The following ZC3H18 variants were observed in gnomAD, a reference collection of about 807,000 sequenced individuals.
ZC3H18 encodes the protein zinc finger CCCH domain-containing protein 18.
A neutral mutation model predicts 106.1 loss-of-function variants in ZC3H18; 8 were observed. That is an observed-to-expected ratio of 0.08 (90% CI 0.04 to 0.14). ZC3H18 has a LOEUF of 0.14. Ranked by LOEUF, ZC3H18 falls within the 10% of genes least tolerant of loss-of-function variation. ZC3H18 has a pLI of 1.00. For missense variants in ZC3H18, 1,318 were observed against 1,278.4 expected (o/e 1.03, Z -0.47); for synonymous variants, 635 against 522.1 (o/e 1.22, Z -2.95).
chr16:88,574,947 A>G (rs1241237367), intron 1 of ZC3H18, among the ~76,000 whole-genome samples: 1 of 149,792 alleles, frequency 6.7e-6, no homozygotes, highest in African/African-American at 2.5e-5. Context: ...CTCCTGCCTC[A>G]GCCTCCCGAG....
At chr16:88,577,050 G>C in intron 1 of ZC3H18, 60 bp from the exon 2 acceptor site, 1 of 1,493,834 alleles carries the variant, frequency 6.7e-7, no homozygotes, top group South Asian at 1.4e-5. Flanking sequence ...CAGGAAAGTA[G>C]GGACAAGGTT....
chr16:88,600,873 C>T (rs1243929264), intron 6 of ZC3H18, among the ~76,000 whole-genome samples: 2 of 152,238 alleles, frequency 1.3e-5, no homozygotes, highest in Non-Finnish European at 2.9e-5. Flanking sequence ...GATTATAATT[C>T]GGGCAGATCT....
chr16:88,576,545 C>CA (rs1914764262), intron 1 of ZC3H18, among the ~76,000 whole-genome samples: 1 of 152,056 alleles, frequency 6.6e-6, no homozygotes, highest in Non-Finnish European at 1.5e-5. Context: ...TGCTAAAGGG[C>CA]AGCCAAGGGA....
At chr16:88,616,182 C>T (rs4782386) in intron 8 of ZC3H18, among the ~76,000 whole-genome samples, 37,401 of 152,164 alleles carry the variant, frequency 0.25, 5,015 homozygotes, top group East Asian at 0.37. Context: ...GGTGCTCAGA[C>T]GTTGTCTGGC....
intron 8 of ZC3H18, among the ~76,000 whole-genome samples, chr16:88,612,093 A>T (rs533093500): frequency 6.6e-6 from 1 of 152,212 alleles, no homozygotes; most frequent in African/African-American, 2.4e-5. Flanking sequence ...CTTGCTGCCA[A>T]CTGCTGGGGG....
At chr16:88,617,807 C>A (rs577857963) in intron 8 of ZC3H18, among the ~76,000 whole-genome samples, 1 of 152,364 alleles carries the variant, frequency 6.6e-6, no homozygotes, top group East Asian at 1.9e-4. Flanking sequence ...CTTTGGCGGC[C>A]CATCCAGTGG....
intron 7 of ZC3H18, among the ~76,000 whole-genome samples, chr16:88,609,782 G>A (rs555979452): frequency 1.5e-4 from 22 of 143,988 alleles, no homozygotes; most frequent in Non-Finnish European, 3.4e-4. Context: ...TGTATTTTTA[G>A]TAGAGACAGG....
chr16:88,587,874 G>A (rs889367346), intron 3 of ZC3H18, among the ~76,000 whole-genome samples: 1 of 152,146 alleles, frequency 6.6e-6, no homozygotes, highest in Non-Finnish European at 1.5e-5. Flanking sequence ...AGCCGGGAAC[G>A]CCCCTGTGCA....
At chr16:88,596,802 G>T (rs936839313) in intron 3 of ZC3H18, among the ~76,000 whole-genome samples, 16 of 152,244 alleles carry the variant, frequency 1.1e-4, no homozygotes, top group Admixed American at 9.2e-4. Flanking sequence ...GGCAAACCAT[G>T]AAGAGCTCTG....
At chr16:88,584,934 C>G (rs912591901) in intron 2 of ZC3H18, among the ~76,000 whole-genome samples, 1 of 152,190 alleles carries the variant, frequency 6.6e-6, no homozygotes, top group Non-Finnish European at 1.5e-5. Flanking sequence ...GGAATGGATT[C>G]GAACTTTCCA....
intron 17 of ZC3H18, 50 bp downstream of exon 17, chr16:88,630,631 A>G: frequency 6.6e-7 from 1 of 1,515,142 alleles, no homozygotes; most frequent in Non-Finnish European, 8.9e-7. Flanking sequence ...GGCCAGCCCC[A>G]GTCGCTTCCC....
rs565428533 is a variant in ZC3H18 at position 88,617,542 on chromosome 16, G to C, written c.1476-4655G>C. On this transcript the variant is annotated intron_variant, in intron 8 of 17. Transcript: ENST00000301011. The stretch of plus-strand genomic sequence containing the variant: ...GCTCTTTGGCTAGTCATTGTCATTA[G>C]AAATGTAAACACTGATTGGGGACCT... 1.4e-3 allele frequency among the ~76,000 whole-genome samples: 216 copies of C among 152,368 alleles called. 2 individuals carry two copies. Among genetic ancestry groups the C allele is most frequent in the African/African-American group, 5.0e-3 (208 of 41,588 alleles).
rs2142673016 is a variant in ZC3H18, at chr16:88,598,299, T to C, written c.810T>C (p.Pro270=). The change falls in exon 4 of 18, where the codon CCT becomes CCC. Residue 270 remains proline (P), a synonymous_variant. Coordinates refer to ENST00000301011, the MANE Select transcript of ZC3H18 (RefSeq NM_144604.4). Reference sequence around the variant, plus strand: ...CTAATGGTGCCCCGCCTCTCGGACCTCACCCGCTGATGCCCGCCAACCCTT... The same window carrying C: ...CTAATGGTGCCCCGCCTCTCGGACCCCACCCGCTGATGCCCGCCAACCCTT... ...FPPNGAPPLG[P]HPLMPANPWG... 6.2e-7 allele frequency: 1 copy of C among 1,604,968 alleles called. No individual in the cohort carries two copies. Among genetic ancestry groups the C allele is most frequent in the Non-Finnish European group, 8.5e-7 (1 of 1,177,500 alleles).
chr16:88,600,484 C>T (rs1904691819), intron 6 of ZC3H18, among the ~76,000 whole-genome samples: 1 of 152,210 alleles, frequency 6.6e-6, no homozygotes, highest in South Asian at 2.1e-4. Flanking sequence ...GCAATCTTGG[C>T]TCACTGCAAC....
At chr16:88,622,526 G>A in intron 9 of ZC3H18, 138 bp downstream of exon 9, 1 of 943,268 alleles carries the variant, frequency 1.1e-6, no homozygotes, top group Non-Finnish European at 1.5e-6. Context: ...ACCAGTCAGT[G>A]GGACTAACCC....
Position 88,630,593 on chromosome 16 carries a change from C to A in ZC3H18, c.2663+12C>A, listed in dbSNP as rs1487477717. On this transcript the variant is annotated intron_variant, in intron 17 of 17. Transcript: ENST00000301011. ...GCCCCGGCTGACAGGTGAGTCCCAC[C>A]CAGCATGTGCCCTGGGCACACCGAG... 1.3e-6 allele frequency: 2 copies of A among 1,592,510 alleles called. No homozygotes were observed. Among genetic ancestry groups the A allele is most frequent in the East Asian group, 2.3e-5 (1 of 44,372 alleles).
intron 17 of ZC3H18, 50 bp from the exon 18 acceptor site, chr16:88,631,051 C>T (rs925825912): frequency 1.9e-6 from 3 of 1,607,728 alleles, no homozygotes; most frequent in Non-Finnish European, 1.7e-6. Context: ...ACCCCTTCCA[C>T]CTGCAGACGT....
At position 88,599,844 on chromosome 16, in the gene ZC3H18, A is replaced by T. The variant is rs1337814025; in HGVS notation, c.984A>T (p.Lys328Asn). 1 of 1,614,162 alleles carries T rather than the reference A, an allele frequency of 6.2e-7. No homozygotes were observed. Among genetic ancestry groups the T allele is most frequent in the Non-Finnish European group, 8.5e-7 (1 of 1,180,030 alleles). ...RKEQEPDFEE[K>N]RFTVTIGEDE... ...AACAGGAGCCTGATTTTGAAGAGAA[A>T]AGGTTTACGGTGACCATTGGCGAAG... The change falls in exon 6 of 18, where the codon AAA (lysine) becomes AAT (asparagine). Residue 328 changes from lysine (K) to asparagine (N), a missense_variant. Lys to Asn is a moderately conservative substitution (Grantham distance 94). This residue lies in a region of ZC3H18 where 848 missense variants were observed against 821.7 expected (regional missense o/e 1.03). Transcript: ENST00000301011.
At chr16:88,585,747 A>T (rs1205560874) in intron 2 of ZC3H18, among the ~76,000 whole-genome samples, 4 of 152,200 alleles carry the variant, frequency 2.6e-5, no homozygotes, top group Non-Finnish European at 5.9e-5. Flanking sequence ...TGGTTTTACC[A>T]GGCTGGGTGT....
Sources: gnomAD v4.1 joint callset for allele counts (sites outside exome capture counted in the v4.1 genomes callset) on GRCh38, gnomAD v4.1.1 for gene constraint, gnomAD v4.1.1 regional missense constraint, MANE v1.5 for transcripts, NCBI Gene and HGNC (gene_info 2026-07-23, HGNC 2026-07-21) for gene names.